The following COL22A1 variants were observed in gnomAD, a reference collection of about 807,000 sequenced individuals.
COL22A1 encodes collagen alpha-1(XXII) chain.
A neutral mutation model predicts 248.9 loss-of-function variants in COL22A1; 221 were observed. The observed-to-expected ratio is 0.89, with a 90% CI of 0.80 to 0.99. The LOEUF (loss-of-function observed/expected upper bound fraction) is 0.99, where lower values mean the gene tolerates loss of function less well. Ranked by LOEUF, COL22A1 falls within the 50% of genes least tolerant of loss-of-function variation. COL22A1 has a pLI of 0.00. For missense variants in COL22A1, 2,240 were observed against 2,179.0 expected (o/e 1.03, Z -0.56); for synonymous variants, 891 against 793.4 (o/e 1.12, Z -2.07).
intron 1 of COL22A1, among the ~76,000 whole-genome samples, chr8:138,911,056 G>T (rs1189439705): frequency 6.6e-6 from 1 of 152,188 alleles, no homozygotes; most frequent in Non-Finnish European, 1.5e-5. Flanking sequence ...GACCTTAAAA[G>T]CTTACCTAGC....
chr8:138,878,467 G>T (rs1823922239), intron 2 of COL22A1, 151 bp from the exon 3 acceptor site: 2 of 622,366 alleles, frequency 3.2e-6, no homozygotes, highest in Non-Finnish European at 5.2e-6. Context: ...TGCCTGAAAG[G>T]CCTGAGCCTC....
chr8:138,725,326 G>T, intron 24 of COL22A1, 61 bp downstream of exon 24: 1 of 1,528,318 alleles, frequency 6.5e-7, no homozygotes, highest in Non-Finnish European at 9.1e-7. Context: ...ATGTCCCCAG[G>T]TCCCACAGGC....
At chr8:138,763,594 G>C (rs1277141611) in intron 16 of COL22A1, among the ~76,000 whole-genome samples, 1 of 152,078 alleles carries the variant, frequency 6.6e-6, no homozygotes, top group Non-Finnish European at 1.5e-5. Flanking sequence ...TGGGCTGCAA[G>C]AACTCCGTGG....
chr8:138,710,706 G>GT (rs1828892714), intron 30 of COL22A1, among the ~76,000 whole-genome samples: 1 of 151,990 alleles, frequency 6.6e-6, no homozygotes. Context: ...GCCGAACCTG[G>GT]TTTTAAGCTC....
chr8:138,678,564 G>A lies in COL22A1; in HGVS notation c.3072+1053C>T, dbSNP rs1311228279. Among the ~76,000 whole-genome samples, 4 of 120,968 alleles carry A rather than the reference G, an allele frequency of 3.3e-5. No homozygotes were observed. The Admixed American group carries it at 3.9e-4, about 12-fold the overall frequency. The allele number at this position is 120,968 out of a possible 152,430, so 79.4% of individuals were successfully genotyped here. ...TAACTAGTTTCTATGGGGTGGTTGG[G>A]GAATAGAGGGAGTAAAAAAAAAATA... On this transcript the variant is annotated intron_variant, in intron 40 of 64. Coordinates refer to ENST00000303045, the MANE Select transcript of COL22A1 (RefSeq NM_152888.3).
At chr8:138,705,836 C>A (rs577838602) in intron 30 of COL22A1, among the ~76,000 whole-genome samples, 42 of 152,200 alleles carry the variant, frequency 2.8e-4, no homozygotes, top group Admixed American at 1.2e-3. Flanking sequence ...CACAGACTGG[C>A]AAATTGGATA....
intron 22 of COL22A1, among the ~76,000 whole-genome samples, chr8:138,748,102 C>T (rs1476781080): frequency 6.6e-6 from 1 of 152,136 alleles, no homozygotes; most frequent in African/African-American, 2.4e-5. Context: ...TTCAATGCTC[C>T]CATTGACTCC....
intron 3 of COL22A1, 44 bp from the exon 4 acceptor site, chr8:138,844,202 C>A: frequency 6.4e-7 from 1 of 1,561,252 alleles, no homozygotes; most frequent in African/African-American, 1.4e-5. Context: ...GAAAATGTGA[C>A]CCATCGTCAC....
At chr8:138,729,440 C>T (rs28695380) in intron 23 of COL22A1, among the ~76,000 whole-genome samples, 64,283 of 151,982 alleles carry the variant, frequency 0.42, 14,795 homozygotes, top group African/African-American at 0.61. Flanking sequence ...ATGCACACAG[C>T]AGAGGTTGAG....
At chr8:138,890,469 G>C (rs1036631278) in intron 1 of COL22A1, among the ~76,000 whole-genome samples, 1 of 151,952 alleles carries the variant, frequency 6.6e-6, no homozygotes, top group Non-Finnish European at 1.5e-5. Flanking sequence ...TTTTTTTAGG[G>C]ATGGGGATTC....
At chr8:138,829,410 T>TTTTTG (rs1319634804) in intron 5 of COL22A1, among the ~76,000 whole-genome samples, 2 of 138,248 alleles carry the variant, frequency 1.4e-5, no homozygotes, top group South Asian at 2.5e-4. Flanking sequence ...CCTGTTTTTT[T>TTTTTG]TTTTTTTTTT....
At chr8:138,832,462 C>T (rs1279840495) in intron 5 of COL22A1, among the ~76,000 whole-genome samples, 1 of 152,136 alleles carries the variant, frequency 6.6e-6, no homozygotes, top group East Asian at 1.9e-4. Flanking sequence ...TCTTTAGCCC[C>T]TGACTGGAGG....
At chr8:138,825,092 C>G (rs983450439) in intron 6 of COL22A1, among the ~76,000 whole-genome samples, 11 of 152,192 alleles carry the variant, frequency 7.2e-5, no homozygotes, top group African/African-American at 2.7e-4. Context: ...CCCAGTCCCA[C>G]TGCACCAGAC....
chr8:138,684,535 T>A, intron 38 of COL22A1, 66 bp from the exon 39 acceptor site: 1 of 1,159,228 alleles, frequency 8.6e-7, no homozygotes. Flanking sequence ...ATCCACCACG[T>A]GCCAGGCTGA....
intron 1 of COL22A1, among the ~76,000 whole-genome samples, chr8:138,902,811 T>C (rs998107860): frequency 6.7e-6 from 1 of 148,414 alleles, no homozygotes; most frequent in Non-Finnish European, 1.5e-5. Flanking sequence ...TGGTCTCTGT[T>C]ATGCCTGAGA....
At chr8:138,705,599 C>T (rs985389991) in intron 30 of COL22A1, among the ~76,000 whole-genome samples, 2 of 152,166 alleles carry the variant, frequency 1.3e-5, no homozygotes, top group Admixed American at 6.5e-5. Context: ...TTTGTCACCA[C>T]CAGGCCTGCC....
intron 26 of COL22A1, among the ~76,000 whole-genome samples, chr8:138,721,602 A>AT (rs59471675): frequency 6.6e-5 from 10 of 150,926 alleles, no homozygotes; most frequent in Non-Finnish European, 7.4e-5. Context: ...AACAGATCAA[A>AT]TTTTTTTTTT....
intron 11 of COL22A1, among the ~76,000 whole-genome samples, chr8:138,801,905 C>T (rs1458479234): frequency 6.6e-6 from 1 of 151,902 alleles, no homozygotes; most frequent in African/African-American, 2.4e-5. Context: ...AGAAAGAAAC[C>T]TGCCCAAGGT....
At chr8:138,684,532 A>C in intron 38 of COL22A1, 63 bp from the exon 39 acceptor site, 1 of 1,190,246 alleles carries the variant, frequency 8.4e-7, no homozygotes, top group Non-Finnish European at 1.3e-6. Flanking sequence ...CCCATCCACC[A>C]CGTGCCAGGC....
Sources: gnomAD v4.1 joint callset for allele counts (sites outside exome capture counted in the v4.1 genomes callset) on GRCh38, gnomAD v4.1.1 for gene constraint, MANE v1.5 for transcripts, NCBI Gene and HGNC (gene_info 2026-07-23, HGNC 2026-07-21) for gene names.